HORMAD2: variants seen among roughly 807,000 people sequenced by gnomAD.
The protein encoded by HORMAD2 is HORMA domain-containing protein 2.
In HORMAD2, 45 loss-of-function variants were observed where a neutral mutation model predicts 38.8. That is an observed-to-expected ratio of 1.16 (90% CI 0.91 to 1.49). The LOEUF (loss-of-function observed/expected upper bound fraction) is 1.49. Ranked by LOEUF, HORMAD2 falls within the 40% of genes most tolerant of loss-of-function variation. The pLI, the probability that HORMAD2 is intolerant of heterozygous loss-of-function variation, is 0.00. For synonymous variants in HORMAD2, 126 were observed against 122.8 expected (o/e 1.03, Z -0.17); for missense variants, 338 against 367.0 (o/e 0.92, Z 0.65).
chr22:30,114,039 G>C (rs1289390418), intron 7 of HORMAD2, among the ~76,000 whole-genome samples: 1 of 152,172 alleles, frequency 6.6e-6, no homozygotes, highest in Non-Finnish European at 1.5e-5. Context: ...TCTTATGCAT[G>C]AAAACTTCCT....
intron 4 of HORMAD2, among the ~76,000 whole-genome samples, chr22:30,103,741 CA>C (rs1280439521): frequency 7.6e-6 from 1 of 130,936 alleles, no homozygotes; most frequent in Admixed American, 8.9e-5. Context: ...CGGCTCACTG[CA>C]ACCTCTGCCT....
At chr22:30,206,049 C>T in the HORMAD2 span, among the ~76,000 whole-genome samples, 1 of 152,196 alleles carries the variant, frequency 6.6e-6, no homozygotes. Context: ...AAGCAACTCT[C>T]GCGTGCTCAG....
At chr22:30,143,388 C>T (rs1358627364) in intron 10 of HORMAD2, among the ~76,000 whole-genome samples, 1 of 152,056 alleles carries the variant, frequency 6.6e-6, no homozygotes, top group Non-Finnish European at 1.5e-5. Flanking sequence ...TTTTGTTTAT[C>T]TGGAAGTGTT....
chr22:30,195,975 G>A, the HORMAD2 span, among the ~76,000 whole-genome samples: 4 of 152,266 alleles, frequency 2.6e-5, no homozygotes, highest in East Asian at 5.8e-4. Flanking sequence ...TCTTGGGATG[G>A]GAAAGAAAAA....
At chr22:30,129,680 T>TC (rs1231773686) in intron 10 of HORMAD2, among the ~76,000 whole-genome samples, 2 of 152,048 alleles carry the variant, frequency 1.3e-5, no homozygotes, top group African/African-American at 4.8e-5. Flanking sequence ...GTTGGTGATT[T>TC]TTTTTTTTTC....
At chr22:30,124,519 T>C (rs1922700060) in intron 10 of HORMAD2, among the ~76,000 whole-genome samples, 1 of 152,192 alleles carries the variant, frequency 6.6e-6, no homozygotes, top group Non-Finnish European at 1.5e-5. Flanking sequence ...CTCCTGACCT[T>C]CATGATAACC....
chr22:30,156,915 A>C (rs1925114562), intron 10 of HORMAD2, among the ~76,000 whole-genome samples: 1 of 152,232 alleles, frequency 6.6e-6, no homozygotes, highest in Non-Finnish European at 1.5e-5. Flanking sequence ...TAACCATTCC[A>C]AGAAGTAGCT....
intron 10 of HORMAD2, among the ~76,000 whole-genome samples, chr22:30,157,390 A>G (rs758760122): frequency 4.0e-5 from 6 of 151,692 alleles, no homozygotes; most frequent in Admixed American, 3.3e-4. Flanking sequence ...TACAGACATT[A>G]TGTCACTAAT....
intron 10 of HORMAD2, among the ~76,000 whole-genome samples, chr22:30,173,694 G>A (rs1926258936): frequency 6.6e-6 from 1 of 152,214 alleles, no homozygotes; most frequent in Non-Finnish European, 1.5e-5. Flanking sequence ...GATCTAGGCT[G>A]TAAACATAAA....
the HORMAD2 span, among the ~76,000 whole-genome samples, chr22:30,191,625 TGGAC>T: frequency 6.6e-6 from 1 of 152,228 alleles, no homozygotes; most frequent in African/African-American, 2.4e-5. Context: ...TCAGTGCAGG[TGGAC>T]TTCACGTTAT....
chr22:30,186,437 A>G, the HORMAD2 span, among the ~76,000 whole-genome samples: 50 of 151,800 alleles, frequency 3.3e-4, no homozygotes, highest in East Asian at 8.7e-3. Context: ...TTTCATTACA[A>G]AATGAAAAAA....
At chr22:30,194,129 ATT>A in the HORMAD2 span, among the ~76,000 whole-genome samples, 1 of 152,210 alleles carries the variant, frequency 6.6e-6, no homozygotes, top group Non-Finnish European at 1.5e-5. Context: ...CCACTGAAGT[ATT>A]GTCATGTCTC....
rs182792635 is a variant in HORMAD2, at chr22:30,090,150, C to G, written c.-37-3766C>G. ...GGATGAGGCGGGTGGATTGCCTGAA[C>G]CTAGGAATTCAAGACCAGCCTGGGC... On this transcript the variant is annotated intron_variant, in intron 1 of 10. Transcript: ENST00000336726. 1.8e-3 allele frequency among the ~76,000 whole-genome samples: 277 copies of G among 152,074 alleles called. 1 individual carries two copies. The highest frequency in any genetic ancestry group is 6.5e-3 in the African/African-American group (271 of 41,480).
At chr22:30,108,574 C>T (rs1329312126) in intron 5 of HORMAD2, among the ~76,000 whole-genome samples, 1 of 152,156 alleles carries the variant, frequency 6.6e-6, no homozygotes, top group Non-Finnish European at 1.5e-5. Flanking sequence ...AAATACTTCC[C>T]TCCCTGACAC....
the HORMAD2 span, among the ~76,000 whole-genome samples, chr22:30,204,537 A>G: frequency 6.6e-6 from 1 of 152,132 alleles, no homozygotes; most frequent in South Asian, 2.1e-4. Context: ...TGGGGTGGGA[A>G]CTAATGAAAT....
the HORMAD2 span, chr22:30,207,147 G>A: frequency 4.3e-6 from 2 of 465,518 alleles, no homozygotes; most frequent in Admixed American, 2.4e-5. Context: ...GGCTCACTGT[G>A]CTCCCGCCCG....
chr22:30,086,486 A>G (rs1724447460), intron 1 of HORMAD2, among the ~76,000 whole-genome samples: 1 of 152,194 alleles, frequency 6.6e-6, no homozygotes, highest in Non-Finnish European at 1.5e-5. Flanking sequence ...AAATAAAAGT[A>G]TAAGGGAAAA....
At chr22:30,133,226 A>T (rs1174347907) in intron 10 of HORMAD2, among the ~76,000 whole-genome samples, 1 of 151,998 alleles carries the variant, frequency 6.6e-6, no homozygotes, top group Non-Finnish European at 1.5e-5. Context: ...ATGTGTGTTA[A>T]AGTTTTCTAT....
At chr22:30,081,678 C>T (rs1404658111) in intron 1 of HORMAD2, among the ~76,000 whole-genome samples, 5 of 152,034 alleles carry the variant, frequency 3.3e-5, no homozygotes, top group African/African-American at 9.7e-5. Context: ...CGGGTTCAAG[C>T]GATTCCCCTG....
Sources: gnomAD v4.1 joint callset for allele counts (sites outside exome capture counted in the v4.1 genomes callset) on GRCh38, gnomAD v4.1.1 for gene constraint, MANE v1.5 for transcripts, NCBI Gene and HGNC (gene_info 2026-07-23, HGNC 2026-07-21) for gene names.